DIP2C: variants seen among roughly 807,000 people sequenced by gnomAD.
The protein encoded by DIP2C is disco-interacting protein 2 homolog C.
DIP2C carries 33 observed loss-of-function variants against 192.4 expected under a neutral mutation model. The observed-to-expected ratio is 0.17, with a 90% CI of 0.13 to 0.23. The LOEUF (loss-of-function observed/expected upper bound fraction) is 0.23. Among genes scored for constraint, DIP2C ranks in the 10% least tolerant of loss-of-function variants. The pLI is 1.00. For missense variants in DIP2C, 1,537 were observed against 2,110.1 expected (o/e 0.73, Z 5.32); for synonymous variants, 979 against 864.1 (o/e 1.13, Z -2.33).
chr10:604,521 T>C (rs1314780068), intron 1 of DIP2C, among the ~76,000 whole-genome samples: 1 of 152,210 alleles, frequency 6.6e-6, no homozygotes, highest in Non-Finnish European at 1.5e-5. Context: ...TGCCTGTAGT[T>C]CACAGCTGAG....
At chr10:335,340 G>A (rs767699290) in intron 29 of DIP2C, among the ~76,000 whole-genome samples, 1 of 152,128 alleles carries the variant, frequency 6.6e-6, no homozygotes, top group Non-Finnish European at 1.5e-5. Context: ...ACTTCAGGGG[G>A]GATTTCCAAC....
At chr10:563,174 C>T (rs1849304145) in intron 1 of DIP2C, among the ~76,000 whole-genome samples, 1 of 152,220 alleles carries the variant, frequency 6.6e-6, no homozygotes, top group East Asian at 1.9e-4. Flanking sequence ...GGGCCAACTT[C>T]GACTAATGCA....
At chr10:399,040 A>G in intron 10 of DIP2C, 69 bp downstream of exon 10, 1 of 1,367,590 alleles carries the variant, frequency 7.3e-7, no homozygotes, top group South Asian at 1.2e-5. Flanking sequence ...ACCCTCACCC[A>G]GCCGGGATAC....
intron 1 of DIP2C, among the ~76,000 whole-genome samples, chr10:588,260 G>C (rs1165102476): frequency 6.6e-6 from 1 of 151,604 alleles, no homozygotes; most frequent in Non-Finnish European, 1.5e-5. Context: ...CACTGCTTCA[G>C]CCCTGACCCT....
intron 29 of DIP2C, among the ~76,000 whole-genome samples, chr10:339,038 G>GC (rs1229038219): frequency 1.3e-5 from 2 of 152,018 alleles, no homozygotes; most frequent in African/African-American, 4.8e-5. Flanking sequence ...CTGCGCGGCT[G>GC]CCCCCACCAA....
intron 17 of DIP2C, among the ~76,000 whole-genome samples, chr10:382,133 G>C (rs1326604949): frequency 6.6e-6 from 1 of 152,220 alleles, no homozygotes; most frequent in Non-Finnish European, 1.5e-5. Context: ...TCAGAGCAAA[G>C]TGCACTCTGA....
At chr10:320,480 C>G (rs554649996) in intron 31 of DIP2C, among the ~76,000 whole-genome samples, 2 of 150,782 alleles carry the variant, frequency 1.3e-5, no homozygotes, top group African/African-American at 4.9e-5. Context: ...TACACTCCAG[C>G]CTGGATGACA....
At chr10:566,830 G>A (rs926403955) in intron 1 of DIP2C, among the ~76,000 whole-genome samples, 5 of 152,318 alleles carry the variant, frequency 3.3e-5, no homozygotes, top group Non-Finnish European at 5.9e-5. Context: ...TGGCTGCTGT[G>A]ATGCACAGCT....
intron 1 of DIP2C, among the ~76,000 whole-genome samples, chr10:569,035 G>A (rs1300770232): frequency 6.6e-6 from 1 of 152,184 alleles, no homozygotes; most frequent in Non-Finnish European, 1.5e-5. Context: ...AACCAATGAA[G>A]TGGGCTCCTG....
chr10:606,044 A>T (rs1365343266), intron 1 of DIP2C, among the ~76,000 whole-genome samples: 1 of 152,226 alleles, frequency 6.6e-6, no homozygotes, highest in African/African-American at 2.4e-5. Context: ...CCGACTGTGC[A>T]AGTCTTCCTG....
chr10:546,476 G>C (rs927057840), intron 1 of DIP2C, among the ~76,000 whole-genome samples: 4 of 152,092 alleles, frequency 2.6e-5, no homozygotes, highest in African/African-American at 9.7e-5. Flanking sequence ...GCGTTCAGTG[G>C]GCTGCAGAAC....
intron 1 of DIP2C, among the ~76,000 whole-genome samples, chr10:610,137 A>G (rs1852975781): frequency 6.6e-6 from 1 of 152,188 alleles, no homozygotes; most frequent in African/African-American, 2.4e-5. Flanking sequence ...GCAGTACTCC[A>G]CCACACAGAG....
intron 1 of DIP2C, among the ~76,000 whole-genome samples, chr10:672,004 C>A (rs1361413471): frequency 7.3e-6 from 1 of 136,774 alleles, no homozygotes; most frequent in South Asian, 2.4e-4. Context: ...CATAGACGCA[C>A]GGACGGAGGA....
chr10:530,257 T>C (rs1330359264), intron 1 of DIP2C, among the ~76,000 whole-genome samples: 1 of 152,138 alleles, frequency 6.6e-6, no homozygotes, highest in Non-Finnish European at 1.5e-5. Flanking sequence ...GGACCAAGGG[T>C]TTTGTTCCTT....
At chr10:512,106 A>T (rs1203815877) in intron 1 of DIP2C, among the ~76,000 whole-genome samples, 1 of 152,194 alleles carries the variant, frequency 6.6e-6, no homozygotes, top group Non-Finnish European at 1.5e-5. Flanking sequence ...GCTCTTTGTA[A>T]ATGTCAACCT....
At chr10:532,676 AGT>A in intron 1 of DIP2C, among the ~76,000 whole-genome samples, 1 of 64,308 alleles carries the variant, frequency 1.6e-5, no homozygotes, top group South Asian at 4.4e-4. Flanking sequence ...TGTGAGAGAG[AGT>A]ATGGGTGTGA....
intron 1 of DIP2C, among the ~76,000 whole-genome samples, chr10:557,201 G>T (rs1402481247): frequency 6.6e-6 from 1 of 152,216 alleles, no homozygotes; most frequent in Admixed American, 6.5e-5. Context: ...AGAGGGACCG[G>T]TGTGGAGGAC....
intron 32 of DIP2C, among the ~76,000 whole-genome samples, chr10:291,145 G>A (rs1158271779): frequency 6.6e-6 from 1 of 152,220 alleles, no homozygotes; most frequent in Non-Finnish European, 1.5e-5. Flanking sequence ...CTCTGGGCAG[G>A]TGTGTGCTGG....
At chr10:678,673 C>CCCCCCG (rs1830969201) in intron 1 of DIP2C, among the ~76,000 whole-genome samples, 1 of 15,436 alleles carries the variant, frequency 6.5e-5, no homozygotes, top group Non-Finnish European at 4.2e-4. Context: ...GTGCCCAGCT[C>CCCCCCG]CCCACGCCCA....
Sources: gnomAD v4.1 joint callset for allele counts (sites outside exome capture counted in the v4.1 genomes callset) on GRCh38, gnomAD v4.1.1 for gene constraint, MANE v1.5 for transcripts, NCBI Gene and HGNC (gene_info 2026-07-23, HGNC 2026-07-21) for gene names.